The following EIF4E2 variants were observed in gnomAD, a reference collection of about 807,000 sequenced individuals.
The protein encoded by EIF4E2 is eukaryotic translation initiation factor 4E type 2.
A neutral mutation model predicts 34.2 loss-of-function variants in EIF4E2; 13 were observed. The ratio of observed to expected loss-of-function variants is 0.38; its 90% CI spans 0.25 to 0.60. EIF4E2 has a LOEUF of 0.60. Among genes scored for constraint, EIF4E2 ranks in the 20% least tolerant of loss-of-function variants. The pLI is 0.62. For missense variants in EIF4E2, 222 were observed against 315.1 expected (o/e 0.70, Z 2.24); for synonymous variants, 100 against 106.6 (o/e 0.94, Z 0.38).
intron 1 of EIF4E2, among the ~76,000 whole-genome samples, chr2:232,555,844 GA>G (rs1310203114): frequency 6.6e-6 from 1 of 152,210 alleles, no homozygotes. Context: ...AGGGACAGTT[GA>G]AAGTTTAAAG....
At chr2:232,551,751 G>C (rs927392956) in intron 1 of EIF4E2, among the ~76,000 whole-genome samples, 2 of 152,208 alleles carry the variant, frequency 1.3e-5, no homozygotes, top group Non-Finnish European at 2.9e-5. Context: ...ATTAGTTTAG[G>C]TTGTGACCTG....
chr2:232,552,226 T>G (rs995516634), intron 1 of EIF4E2, among the ~76,000 whole-genome samples: 1 of 152,108 alleles, frequency 6.6e-6, no homozygotes, highest in African/African-American at 2.4e-5. Context: ...TATATATATT[T>G]TTTGAGACAG....
chr2:232,582,152 A>G (rs557168900), exon 7 of EIF4E2: 1 of 152,792 alleles, frequency 6.5e-6, no homozygotes, highest in Admixed American at 6.5e-5. Flanking sequence ...CTAGGATTCA[A>G]ATAAATAGCG....
intron 6 of EIF4E2, 140 bp from the exon 7 acceptor site, chr2:232,568,805 C>A: frequency 6.8e-7 from 1 of 1,478,732 alleles, no homozygotes; most frequent in Non-Finnish European, 9.0e-7. Flanking sequence ...TCTGCTTTAT[C>A]CAGAGGTCTG....
chr2:232,562,749 G>T (rs1052822443), intron 3 of EIF4E2, among the ~76,000 whole-genome samples: 1 of 152,238 alleles, frequency 6.6e-6, no homozygotes, highest in African/African-American at 2.4e-5. Flanking sequence ...ACTAGTGGGT[G>T]TACTTGGTTC....
In EIF4E2 at chr2:232,568,976, C is replaced by G. The variant is rs890432776; in HGVS notation, c.697C>G (p.Leu233Val). 1.2e-6 allele frequency: 2 copies of G among 1,614,202 alleles called. No individual in the cohort carries two copies. The highest frequency in any genetic ancestry group is 1.7e-6 in the Non-Finnish European group (2 of 1,180,044). The change falls in exon 7 of 7, where the codon CTT becomes GTT. Residue 233 changes from leucine (L) to valine (V), a missense_variant. Coordinates refer to ENST00000258416, the MANE Select transcript of EIF4E2 (RefSeq NM_004846.4). ...MPGRLGPQRLLFQNLWKPRLN... is the reference protein window; with the variant it reads ...MPGRLGPQRLVFQNLWKPRLN... ...AGGCAGGCTGGGCCCCCAAAGGCTC[C>G]TTTTTCAAAACCTCTGGAAGCCGCG...
chr2:232,567,347 G>A, intron 6 of EIF4E2, 133 bp downstream of exon 6: 1 of 1,473,706 alleles, frequency 6.8e-7, no homozygotes, highest in Non-Finnish European at 9.0e-7. Flanking sequence ...TTCCCTCTAG[G>A]GCTTCTGGCT....
Position 232,566,555 on chromosome 2 carries a change from G to C in EIF4E2, c.376-274G>C, listed in dbSNP as rs539224299. Among the ~76,000 whole-genome samples, 1 of 152,278 alleles carries C rather than the reference G, an allele frequency of 6.6e-6. No individual in the cohort carries two copies. Among genetic ancestry groups the C allele is most frequent in the Admixed American group, 6.5e-5 (1 of 15,292 alleles). On this transcript the variant is annotated intron_variant, in intron 4 of 6. Transcript: ENST00000258416. The surrounding 1 kb of genome is among the most constrained non-coding windows in gnomAD (Gnocchi z 4.9). ...TTGAAATATGACATCATTTCGTTTT[G>C]ATTCCTAAAGTATTTCCAGTAAAGG... is the stretch of plus-strand genomic sequence containing the variant.
chr2:232,580,865 G>C (rs1471582574), intron 6 of EIF4E2: 1 of 1,518,810 alleles, frequency 6.6e-7, no homozygotes, highest in Non-Finnish European at 8.9e-7. Flanking sequence ...GATGATCCTT[G>C]TATTGAACAC....
intron 6 of EIF4E2, chr2:232,568,250 T>C (rs947063563): frequency 3.0e-6 from 3 of 985,408 alleles, no homozygotes; most frequent in Non-Finnish European, 3.6e-6. Flanking sequence ...TTTGGGAATC[T>C]CTTTCCCATG....
At chr2:232,556,698 A>G in intron 2 of EIF4E2, 168 bp downstream of exon 2, 1 of 585,230 alleles carries the variant, frequency 1.7e-6, no homozygotes, top group Non-Finnish European at 3.0e-6. Context: ...TCATTTTCAG[A>G]CCTAGAACTT....
chr2:232,574,590 C>G (rs1693165824), intron 6 of EIF4E2, among the ~76,000 whole-genome samples: 1 of 152,198 alleles, frequency 6.6e-6, no homozygotes, highest in Non-Finnish European at 1.5e-5. Context: ...GAACAAGTCT[C>G]TGAGATCTCT....
intron 1 of EIF4E2, chr2:232,551,106 C>T (rs1692296929): frequency 5.0e-6 from 3 of 602,478 alleles, no homozygotes; most frequent in Admixed American, 2.2e-5. Context: ...GCAGCGCTGC[C>T]TCTGAATCCA....
chr2:232,554,472 G>C (rs1692452874), intron 1 of EIF4E2, among the ~76,000 whole-genome samples: 1 of 152,186 alleles, frequency 6.6e-6, no homozygotes, highest in Non-Finnish European at 1.5e-5. Context: ...CTAGGTTCTT[G>C]GGGACAAGCA....
chr2:232,559,843 A>AAAAAAAAT (rs369704486), intron 3 of EIF4E2, among the ~76,000 whole-genome samples: 1 of 144,232 alleles, frequency 6.9e-6, no homozygotes, highest in African/African-American at 2.5e-5. Flanking sequence ...AAAAAAAAAA[A>AAAAAAAAT]GGCTGGCCAT....
At chr2:232,575,973 A>C (rs927946975) in intron 6 of EIF4E2, among the ~76,000 whole-genome samples, 1 of 152,154 alleles carries the variant, frequency 6.6e-6, no homozygotes, top group African/African-American at 2.4e-5. Flanking sequence ...TGGGAGGCCA[A>C]GGCGGGCAGA....
rs1692945090 is a variant in EIF4E2 at position 232,566,727 on chromosome 2, T to C, written c.376-102T>C. 7 of 1,311,314 alleles carry C rather than the reference T, an allele frequency of 5.3e-6. No homozygotes were observed. Among genetic ancestry groups the C allele is most frequent in the African/African-American group, 1.5e-5 (1 of 67,960 alleles). 81.2% of individuals were successfully genotyped at this position (1,311,314 alleles called of 1,614,324 possible). Reference sequence around the variant, plus strand: ...AGAGTTGAATAATTGGAAAGTGATATGACTTCTTAGTGTTTAAGAGATTCT... The same window carrying C: ...AGAGTTGAATAATTGGAAAGTGATACGACTTCTTAGTGTTTAAGAGATTCT... On this transcript the variant is annotated intron_variant, in intron 4 of 6. Coordinates refer to ENST00000258416, the MANE Select transcript of EIF4E2 (RefSeq NM_004846.4). This position sits in a 1 kb window ranked among gnomAD's most constrained non-coding sequence, Gnocchi z 4.9.
intron 1 of EIF4E2, 56 bp from the exon 2 acceptor site, chr2:232,556,360 A>C: frequency 7.0e-7 from 1 of 1,431,588 alleles, no homozygotes; most frequent in Non-Finnish European, 9.8e-7. Flanking sequence ...TGGCTTTGTT[A>C]GGTAAGCAAG....
rs73094209 is a variant in EIF4E2, at chr2:232,558,271, T to G, written c.270+253T>G. 4.1e-3 allele frequency: 1,324 copies of G among 321,460 alleles called. 14 individuals carry two copies. The highest frequency in any genetic ancestry group is 0.027 in the African/African-American group (1,239 of 46,220). The allele number at this position is 321,460 out of a possible 1,614,324, so 19.9% of individuals were successfully genotyped here. A position where few individuals can be genotyped will look rare whatever the true frequency, so the allele number is the denominator to read the frequency against. On this transcript the variant is annotated intron_variant, in intron 3 of 6. Coordinates refer to ENST00000258416, the MANE Select transcript of EIF4E2 (RefSeq NM_004846.4). ...CATAATACAAAAGAACAGATTTGGGTTTTTTTATTTTTATTTTTATTTTTT... is the reference window on the plus strand; with the variant it reads ...CATAATACAAAAGAACAGATTTGGGGTTTTTTATTTTTATTTTTATTTTTT...
Sources: gnomAD v4.1 joint callset for allele counts (sites outside exome capture counted in the v4.1 genomes callset) on GRCh38, gnomAD v4.1.1 for gene constraint, Gnocchi (gnomAD v3.1) non-coding constraint, MANE v1.5 for transcripts, NCBI Gene and HGNC (gene_info 2026-07-23, HGNC 2026-07-21) for gene names.